The following ASF1A variants were observed in gnomAD, a reference collection of about 807,000 sequenced individuals.
ASF1A encodes histone chaperone ASF1A.
In ASF1A, 5 loss-of-function variants were observed where a neutral mutation model predicts 22.0. The observed-to-expected ratio is 0.23, with a 90% CI of 0.12 to 0.48. ASF1A has a LOEUF of 0.48. ASF1A is among the 20% of genes least tolerant of loss of function. The pLI is 0.99. For missense variants in ASF1A, 137 were observed against 240.6 expected (o/e 0.57, Z 2.85); for synonymous variants, 97 against 86.7 (o/e 1.12, Z -0.66).
chr6:118,894,552 T>TCAGTTGCGGGCTGC, intron 1 of ASF1A, 30 bp downstream of exon 1: 1 of 1,508,206 alleles, frequency 6.6e-7, no homozygotes, highest in Non-Finnish European at 8.9e-7. Context: ...GCCCGGGCTG[T>TCAGTTGCGGGCTGC]CAGTTGCGGG....
chr6:118,905,364 AATCCT>A (rs1476314338), intron 2 of ASF1A, among the ~76,000 whole-genome samples: 1 of 42,650 alleles, frequency 2.3e-5, no homozygotes, highest in Non-Finnish European at 4.2e-5. Context: ...AATAGTGTAT[AATCCT>A]TTCATGAACC....
In ASF1A at chr6:118,900,922, C is replaced by T. The variant is rs566432826; in HGVS notation, c.225+41C>T. ...GTAAATGTGTATGCCAAATATGTTT[C>T]GAAGTAGACTATATTATCTATTATC... On this transcript the variant is annotated intron_variant, in intron 2 of 3. Coordinates refer to ENST00000229595, the MANE Select transcript of ASF1A (RefSeq NM_014034.3). 56 of 1,327,918 alleles carry T rather than the reference C, an allele frequency of 4.2e-5. 1 individual carries two copies. In the African/African-American group the frequency reaches 6.8e-4, roughly 16 times the overall value. The allele number at this position is 1,327,918 out of a possible 1,614,324, so 82.3% of individuals were successfully genotyped here. A position where few individuals can be genotyped will look rare whatever the true frequency, so the allele number is the denominator to read the frequency against.
At chr6:118,904,328 A>G (rs986832858) in intron 2 of ASF1A, among the ~76,000 whole-genome samples, 1 of 152,152 alleles carries the variant, frequency 6.6e-6, no homozygotes, top group African/African-American at 2.4e-5. Context: ...TGTATCATCT[A>G]CCTGTGTTAG....
At chr6:118,898,001 T>C (rs533973963) in intron 1 of ASF1A, among the ~76,000 whole-genome samples, 112 of 152,198 alleles carry the variant, frequency 7.4e-4, no homozygotes, top group Non-Finnish European at 1.4e-3. Context: ...CTGCTCTCAC[T>C]TCCCCTGCAA....
At chr6:118,903,622 G>A (rs981487843) in intron 2 of ASF1A, among the ~76,000 whole-genome samples, 1 of 152,102 alleles carries the variant, frequency 6.6e-6, no homozygotes, top group African/African-American at 2.4e-5. Flanking sequence ...AGTTAGAAAG[G>A]GCGTCACTGA....
chr6:118,894,571 G>A (rs1406680356), intron 1 of ASF1A, 49 bp downstream of exon 1: 2 of 1,454,134 alleles, frequency 1.4e-6, no homozygotes, highest in Non-Finnish European at 1.9e-6. Flanking sequence ...GGCTGCAGAC[G>A]TTGAAAGTTT....
intron 2 of ASF1A, among the ~76,000 whole-genome samples, chr6:118,904,323 C>T (rs1487533668): frequency 6.6e-6 from 1 of 152,166 alleles, no homozygotes; most frequent in African/African-American, 2.4e-5. Flanking sequence ...CTTTTTGTAT[C>T]ATCTACCTGT....
Position 118,894,279 on chromosome 6 carries a change from A to G in ASF1A, c.-135A>G. 1 of 1,464,462 alleles carries G rather than the reference A, an allele frequency of 6.8e-7. No homozygotes were observed. The highest frequency in any genetic ancestry group is 2.5e-5 in the East Asian group (1 of 40,364). The allele number at this position is 1,464,462 out of a possible 1,614,324, so 90.7% of individuals were successfully genotyped here. A position where few individuals can be genotyped will look rare whatever the true frequency, so the allele number is the denominator to read the frequency against. ...CCCGTGTAAATAAAAAGAGGAAAAA[A>G]GTTTCTCAAGTCGCCGCTGCACGAC... On this transcript the variant is annotated 5_prime_UTR_variant, in exon 1 of 4. Transcript: ENST00000229595.
rs1476890216 is a variant in ASF1A, at chr6:118,894,161, G to C, written c.-253G>C. 1.3e-5 allele frequency: 17 copies of C among 1,264,524 alleles called. No homozygotes were observed. Among genetic ancestry groups the C allele is most frequent in the Admixed American group, 3.7e-5 (1 of 27,062 alleles). 78.3% of individuals were successfully genotyped at this position (1,264,524 alleles called of 1,614,324 possible). ...CTGGAGGAGGAGGGTCAGAACTCGG[G>C]TGCAGCCAATCGAGGGCAACGCTGC... On this transcript the variant is annotated 5_prime_UTR_variant, in exon 1 of 4. Transcript: ENST00000229595.
At chr6:118,897,830 AAAAAAAACAAC>A (rs1779534482) in intron 1 of ASF1A, among the ~76,000 whole-genome samples, 7 of 151,924 alleles carry the variant, frequency 4.6e-5, no homozygotes. Flanking sequence ...CTGGGTTAAA[AAAAAAAACAAC>A]AAAAAAACTG....
At chr6:118,902,126 T>A (rs1424701496) in intron 2 of ASF1A, among the ~76,000 whole-genome samples, 1 of 152,138 alleles carries the variant, frequency 6.6e-6, no homozygotes, top group Non-Finnish European at 1.5e-5. Context: ...TTAATCAAAG[T>A]TGTGTGAGTG....
At chr6:118,900,923 G>A (rs373551056) in intron 2 of ASF1A, 42 bp downstream of exon 2, 14 of 1,325,566 alleles carry the variant, frequency 1.1e-5, no homozygotes, top group Admixed American at 5.0e-5. Flanking sequence ...AATATGTTTC[G>A]AAGTAGACTA....
intron 1 of ASF1A, among the ~76,000 whole-genome samples, chr6:118,898,690 T>G (rs1436398102): frequency 6.6e-6 from 1 of 152,224 alleles, no homozygotes; most frequent in Non-Finnish European, 1.5e-5. Flanking sequence ...AATGCTGGGA[T>G]TACAGGCGTG....
chr6:118,906,650 G>A (rs558830041), intron 3 of ASF1A, among the ~76,000 whole-genome samples: 18 of 152,182 alleles, frequency 1.2e-4, no homozygotes, highest in African/African-American at 4.3e-4. Flanking sequence ...AATATTTCTG[G>A]TACTGAAAAC....
chr6:118,895,012 C>A (rs1297310798), intron 1 of ASF1A, among the ~76,000 whole-genome samples: 1 of 152,182 alleles, frequency 6.6e-6, no homozygotes, highest in Non-Finnish European at 1.5e-5. Flanking sequence ...TCCTCTTGCC[C>A]CGCCGCCCGC....
At chr6:118,901,701 G>T (rs1779806884) in intron 2 of ASF1A, among the ~76,000 whole-genome samples, 1 of 152,170 alleles carries the variant, frequency 6.6e-6, no homozygotes, top group African/African-American at 2.4e-5. Context: ...GTTTGTAATA[G>T]ACCAAAGAGT....
At chr6:118,894,645 G>A (rs534302017) in intron 1 of ASF1A, 123 bp downstream of exon 1, 6 of 837,320 alleles carry the variant, frequency 7.2e-6, no homozygotes, top group East Asian at 2.7e-5. Context: ...CTGCTCTGCG[G>A]AGGGAAACTT....
At chr6:118,901,123 CA>C in intron 2 of ASF1A, 1 of 370,858 alleles carries the variant, frequency 2.7e-6, no homozygotes, top group South Asian at 4.6e-5. Flanking sequence ...GAACAACCTA[CA>C]GTAAATTTTA....
intron 1 of ASF1A, among the ~76,000 whole-genome samples, chr6:118,897,244 C>T (rs554295616): frequency 6.6e-6 from 1 of 152,240 alleles, no homozygotes; most frequent in South Asian, 2.1e-4. Flanking sequence ...TAGCCCCAAA[C>T]GTTCACTTTC....
Sources: gnomAD v4.1 joint callset for allele counts (sites outside exome capture counted in the v4.1 genomes callset) on GRCh38, gnomAD v4.1.1 for gene constraint, MANE v1.5 for transcripts, NCBI Gene and HGNC (gene_info 2026-07-23, HGNC 2026-07-21) for gene names.